The following KIAA1217 variants were observed in gnomAD, a reference collection of about 807,000 sequenced individuals.
The protein encoded by KIAA1217 is sickle tail protein homolog.
In KIAA1217, 88 loss-of-function variants were observed where a neutral mutation model predicts 163.9. The ratio of observed to expected loss-of-function variants is 0.54; its 90% confidence interval spans 0.45 to 0.64. The LOEUF (loss-of-function observed/expected upper bound fraction) is 0.64, where lower values mean the gene tolerates loss of function less well. Ranked by LOEUF, KIAA1217 falls within the 30% of genes least tolerant of loss-of-function variation. KIAA1217 has a pLI of 0.00. For missense variants in KIAA1217, 2,372 were observed against 2,475.0 expected, an observed-to-expected ratio of 0.96 and a Z score of 0.88; for synonymous variants, 903 against 923.1, an observed-to-expected ratio of 0.98 and a Z score of 0.39.
chr10:23,790,791 T>C (rs1262815992), intron 1 of KIAA1217, among the ~76,000 whole-genome samples: 2 of 151,654 alleles, frequency 1.3e-5, no homozygotes, highest in Non-Finnish European at 2.9e-5. Context: ...TGGAGTCCAG[T>C]GGCATGATCT....
chr10:23,797,971 A>G (rs1836286872), intron 1 of KIAA1217, among the ~76,000 whole-genome samples: 1 of 152,084 alleles, frequency 6.6e-6, no homozygotes, highest in Admixed American at 6.6e-5. Context: ...ATCTTTAGGG[A>G]CTCTGCCACC....
chr10:23,722,056 C>T lies in KIAA1217; in HGVS notation c.-321+26822C>T, dbSNP rs112462041. 1.3e-3 allele frequency among the ~76,000 whole-genome samples: 196 copies of T among 152,146 alleles called. 1 individual carries two copies. Among genetic ancestry groups the T allele is most frequent in the African/African-American group, 4.5e-3 (188 of 41,506 alleles). The stretch of plus-strand genomic sequence containing the variant: ...CACATACTACAACATGAATGAACCT[C>T]GAAAAACTTATGCAAAGTAAAATAA... On this transcript the variant is annotated intron_variant, in intron 1 of 18. Transcript: ENST00000376462.
chr10:24,023,959 G>C (rs1299566734), intron 2 of KIAA1217, among the ~76,000 whole-genome samples: 1 of 151,240 alleles, frequency 6.6e-6, no homozygotes, highest in African/African-American at 2.4e-5. Flanking sequence ...CAAGGTGAGG[G>C]GACGCAGTAT....
At chr10:23,697,714 CAA>C (rs35015789) in intron 1 of KIAA1217, among the ~76,000 whole-genome samples, 13 of 140,300 alleles carry the variant, frequency 9.3e-5, no homozygotes, top group Middle Eastern at 3.6e-3. Context: ...ACTAAAAATA[CAA>C]AAAAAAAAAA....
chr10:24,287,033 C>G (rs1370494875), intron 2 of KIAA1217, among the ~76,000 whole-genome samples: 1 of 152,048 alleles, frequency 6.6e-6, no homozygotes, highest in Non-Finnish European at 1.5e-5. Context: ...AGAAGCTGTT[C>G]TCACTTGTTT....
intron 3 of KIAA1217, among the ~76,000 whole-genome samples, chr10:24,399,895 C>T (rs906582479): frequency 5.3e-5 from 8 of 151,930 alleles, no homozygotes; most frequent in Non-Finnish European, 7.4e-5. Context: ...AGTTTGAAAG[C>T]GATGAAAGGA....
At chr10:24,198,038 C>T (rs1207972189) in intron 2 of KIAA1217, among the ~76,000 whole-genome samples, 1 of 152,212 alleles carries the variant, frequency 6.6e-6, no homozygotes, top group East Asian at 1.9e-4. Context: ...AGTGAATATC[C>T]AAACATATGC....
intron 1 of KIAA1217, chr10:23,877,463 T>C (rs546003586): frequency 1.3e-5 from 2 of 151,534 alleles, no homozygotes; most frequent in African/African-American, 4.8e-5. Context: ...CAAAACTCTT[T>C]CTATGGCAAG....
chr10:24,197,776 C>T (rs1242339548), intron 2 of KIAA1217, among the ~76,000 whole-genome samples: 4 of 152,236 alleles, frequency 2.6e-5, no homozygotes, highest in Non-Finnish European at 5.9e-5. Flanking sequence ...CCATTCTCCA[C>T]ACAGATTTAT....
intron 2 of KIAA1217, among the ~76,000 whole-genome samples, chr10:24,298,264 T>C (rs2040857675): frequency 6.6e-6 from 1 of 151,804 alleles, no homozygotes. Context: ...ATTTGTATAT[T>C]GAAATGTTCC....
At chr10:24,112,795 C>T (rs138113388) in intron 2 of KIAA1217, among the ~76,000 whole-genome samples, 2,710 of 151,904 alleles carry the variant, frequency 0.018, 37 homozygotes, top group South Asian at 0.034. Flanking sequence ...ACCGTGTTAG[C>T]CAGGACGGTC....
At chr10:24,062,295 C>A (rs1356050145) in intron 2 of KIAA1217, among the ~76,000 whole-genome samples, 1 of 112,580 alleles carries the variant, frequency 8.9e-6, no homozygotes, top group Non-Finnish European at 1.8e-5. Flanking sequence ...CCCCTCCCCC[C>A]ACCCCACAAC....
At chr10:24,405,861 C>T (rs1363115433) in intron 3 of KIAA1217, among the ~76,000 whole-genome samples, 4 of 152,138 alleles carry the variant, frequency 2.6e-5, no homozygotes, top group African/African-American at 9.7e-5. Flanking sequence ...CTCCCTGTCC[C>T]CTCTTGAGCA....
At chr10:24,319,310 A>T (rs1305012263) in intron 2 of KIAA1217, among the ~76,000 whole-genome samples, 3 of 138,524 alleles carry the variant, frequency 2.2e-5, no homozygotes, top group Non-Finnish European at 4.6e-5. Context: ...CAGGAGGCAG[A>T]GGTTGCAGTG....
chr10:24,259,021 C>T (rs185850438), intron 2 of KIAA1217, among the ~76,000 whole-genome samples: 1 of 152,298 alleles, frequency 6.6e-6, no homozygotes, highest in Admixed American at 6.5e-5. Flanking sequence ...AGACGAGCCA[C>T]TGGTTCCAGC....
Position 23,844,740 on chromosome 10 carries a change from T to C in KIAA1217, c.-321+149506T>C, listed in dbSNP as rs1194581367. Among the ~76,000 whole-genome samples, 4 of 152,002 alleles carry C rather than the reference T, an allele frequency of 2.6e-5. No homozygotes were observed. In the East Asian group the frequency reaches 7.7e-4, roughly 29 times the overall value. Reference sequence around the variant, plus strand: ...TTTTAATTTGTGGCTCAACGTTTAATTTTTTTATTGTTATTATACTTTAAG... The same window carrying C: ...TTTTAATTTGTGGCTCAACGTTTAACTTTTTTATTGTTATTATACTTTAAG... On this transcript the variant is annotated intron_variant, in intron 1 of 18. Transcript: ENST00000376462.
At chr10:24,067,491 C>T (rs191657296) in intron 2 of KIAA1217, among the ~76,000 whole-genome samples, 16 of 152,054 alleles carry the variant, frequency 1.1e-4, no homozygotes, top group African/African-American at 2.9e-4. Flanking sequence ...GCTGCCTGAT[C>T]GCTCCTCTGG....
At chr10:24,255,576 C>T (rs773635434) in intron 2 of KIAA1217, 6 of 455,534 alleles carry the variant, frequency 1.3e-5, no homozygotes, top group Admixed American at 4.7e-5. Flanking sequence ...GGGGCCCTTC[C>T]GAGCAGCAGA....
chr10:23,964,858 A>G lies in KIAA1217; in HGVS notation c.-320-42367A>G, dbSNP rs113437002. Reference sequence around the variant, plus strand: ...GCGTGAGCCACCATGCCTGGCCAACAGTTGAATTCTTAATCCAGTGCCTTA... The same window carrying G: ...GCGTGAGCCACCATGCCTGGCCAACGGTTGAATTCTTAATCCAGTGCCTTA... On this transcript the variant is annotated intron_variant, in intron 1 of 18. Transcript: ENST00000376462. Among the ~76,000 whole-genome samples the G allele has an allele frequency of 5.7e-3, 862 of 152,286 alleles. 12 individuals are homozygous for G. The highest frequency in any genetic ancestry group is 0.02 in the African/African-American group (818 of 41,568).
Sources: gnomAD v4.1 joint callset for allele counts (sites outside exome capture counted in the v4.1 genomes callset) on GRCh38, gnomAD v4.1.1 for gene constraint, MANE v1.5 for transcripts, NCBI Gene and HGNC (gene_info 2026-07-23, HGNC 2026-07-21) for gene names.